The following DLGAP1 variants were observed in gnomAD, a reference collection of about 807,000 sequenced individuals.
The protein encoded by DLGAP1 is DLG associated protein 1.
Under a neutral mutation model 90.8 loss-of-function variants are expected in DLGAP1, and 11 were observed. That is an observed-to-expected ratio of 0.12 (90% CI 0.08 to 0.20). The LOEUF is 0.20. Ranked by LOEUF, DLGAP1 falls within the 10% of genes least tolerant of loss-of-function variation. DLGAP1 has a pLI of 1.00. For missense variants in DLGAP1, 1,050 were observed against 1,333.8 expected (o/e 0.79, Z 3.31); for synonymous variants, 558 against 540.7 (o/e 1.03, Z -0.44).
At chr18:3,500,995 A>G (rs563064393) in intron 12 of DLGAP1, among the ~76,000 whole-genome samples, 1 of 152,074 alleles carries the variant, frequency 6.6e-6, no homozygotes, top group East Asian at 1.9e-4. Flanking sequence ...CTCACTGCAG[A>G]CTCAAACTCT....
intron 5 of DLGAP1, among the ~76,000 whole-genome samples, chr18:3,756,690 T>C (rs2147865103): frequency 6.6e-6 from 1 of 151,790 alleles, no homozygotes; most frequent in Non-Finnish European, 1.5e-5. Context: ...GTAGGCTCTT[T>C]AAAAAAATCA....
At chr18:3,601,067 T>G (rs989330798) in intron 7 of DLGAP1, among the ~76,000 whole-genome samples, 2 of 148,186 alleles carry the variant, frequency 1.3e-5, no homozygotes, top group Admixed American at 6.8e-5. Context: ...TATAGATATA[T>G]AGATATATAG....
chr18:3,831,752 T>C (rs774694290), intron 4 of DLGAP1, among the ~76,000 whole-genome samples: 1 of 152,204 alleles, frequency 6.6e-6, no homozygotes, highest in Non-Finnish European at 1.5e-5. Context: ...ACACTGCAAC[T>C]ATTTATCTCA....
intron 9 of DLGAP1, among the ~76,000 whole-genome samples, chr18:3,558,991 C>T (rs578136637): frequency 1.2e-4 from 19 of 152,190 alleles, no homozygotes; most frequent in Non-Finnish European, 2.8e-4. Context: ...AGTATATTGA[C>T]TTTGGAAACA....
intron 2 of DLGAP1, among the ~76,000 whole-genome samples, chr18:4,081,311 G>A (rs1224485689): frequency 7.1e-5 from 10 of 140,496 alleles, no homozygotes; most frequent in Admixed American, 1.4e-4. Context: ...GTGAAACTCC[G>A]TCTCAGGAAA....
intron 1 of DLGAP1, among the ~76,000 whole-genome samples, chr18:4,169,078 G>A (rs2076981474): frequency 6.6e-6 from 1 of 152,126 alleles, no homozygotes; most frequent in African/African-American, 2.4e-5. Flanking sequence ...GAGTGCAATT[G>A]CTGGATCATG....
At chr18:4,367,850 GA>G (rs1230620585) in intron 1 of DLGAP1, among the ~76,000 whole-genome samples, 3 of 147,232 alleles carry the variant, frequency 2.0e-5, no homozygotes, top group Admixed American at 1.3e-4. Flanking sequence ...CTCCATCTCA[GA>G]AAAAAAAAAG....
chr18:4,246,287 A>T (rs2078651572), intron 1 of DLGAP1, among the ~76,000 whole-genome samples: 1 of 152,222 alleles, frequency 6.6e-6, no homozygotes, highest in African/African-American at 2.4e-5. Flanking sequence ...AAGGAAAAAA[A>T]ATAGCCATGG....
chr18:3,949,689 T>C lies in DLGAP1; in HGVS notation c.-73+55427A>G, dbSNP rs140396980. On this transcript the variant is annotated intron_variant, in intron 3 of 12. Transcript: ENST00000315677. Reference sequence around the variant, plus strand: ...GACTGGTTGTATATAGTTGACCCAATATAATGTGCAATTGTATTTAACATC... The same window carrying C: ...GACTGGTTGTATATAGTTGACCCAACATAATGTGCAATTGTATTTAACATC... Among the ~76,000 whole-genome samples the C allele has an allele frequency of 3.0e-4, 46 of 152,296 alleles. No individual in the cohort carries two copies. In the East Asian group the frequency reaches 8.5e-3, roughly 28 times the overall value.
chr18:3,758,920 G>C (rs1209554113), intron 5 of DLGAP1, among the ~76,000 whole-genome samples: 2 of 152,108 alleles, frequency 1.3e-5, no homozygotes, highest in Non-Finnish European at 2.9e-5. Flanking sequence ...TTTCTTAGGA[G>C]TGTGACTTCA....
intron 5 of DLGAP1, among the ~76,000 whole-genome samples, chr18:3,766,081 A>G (rs2064229722): frequency 6.6e-6 from 1 of 152,140 alleles, no homozygotes; most frequent in Non-Finnish European, 1.5e-5. Context: ...AAACACATCT[A>G]TAAGAACCTC....
intron 5 of DLGAP1, among the ~76,000 whole-genome samples, chr18:3,778,340 C>G (rs2065028051): frequency 6.6e-6 from 1 of 151,926 alleles, no homozygotes; most frequent in Admixed American, 6.6e-5. Flanking sequence ...ACTTGGGAGG[C>G]TGAGGCAGGA....
intron 1 of DLGAP1, among the ~76,000 whole-genome samples, chr18:4,398,337 T>TC (rs2082480563): frequency 6.6e-6 from 1 of 151,608 alleles, no homozygotes; most frequent in African/African-American, 2.4e-5. Flanking sequence ...AAAGCAATTT[T>TC]TTTCATTACT....
At chr18:3,503,594 G>A (rs1345051627) in intron 11 of DLGAP1, among the ~76,000 whole-genome samples, 1 of 152,178 alleles carries the variant, frequency 6.6e-6, no homozygotes, top group African/African-American at 2.4e-5. Flanking sequence ...CTGTTTTGGT[G>A]ACCTCTTGGT....
chr18:4,311,009 T>C (rs899623788), intron 1 of DLGAP1, among the ~76,000 whole-genome samples: 1 of 152,218 alleles, frequency 6.6e-6, no homozygotes, highest in African/African-American at 2.4e-5. Flanking sequence ...AATGCACTTT[T>C]ACTCTATGCT....
intron 2 of DLGAP1, among the ~76,000 whole-genome samples, chr18:4,086,702 T>G (rs1568387925): frequency 1.3e-5 from 2 of 152,106 alleles, no homozygotes; most frequent in South Asian, 2.1e-4. Context: ...GAAGTTTGTT[T>G]TATAGCCTAC....
At chr18:3,745,379 A>G (rs1488069929) in intron 5 of DLGAP1, among the ~76,000 whole-genome samples, 1 of 152,224 alleles carries the variant, frequency 6.6e-6, no homozygotes, top group Non-Finnish European at 1.5e-5. Flanking sequence ...CGTTGTAAAA[A>G]ATTACGTGAG....
chr18:4,100,246 AT>A (rs1317485202), intron 2 of DLGAP1, among the ~76,000 whole-genome samples: 1 of 152,238 alleles, frequency 6.6e-6, no homozygotes, highest in Non-Finnish European at 1.5e-5. Context: ...GGGCTACAGC[AT>A]GGATATTGTG....
intron 3 of DLGAP1, among the ~76,000 whole-genome samples, chr18:3,974,975 T>A (rs1217729233): frequency 6.6e-6 from 1 of 152,014 alleles, no homozygotes; most frequent in Non-Finnish European, 1.5e-5. Context: ...GTAACTAAAG[T>A]AGTCAAATTC....
Sources: allele counts gnomAD v4.1 joint callset (sites outside exome capture counted in the v4.1 genomes callset), GRCh38; gene constraint gnomAD v4.1.1; transcripts MANE v1.5; gene names NCBI Gene and HGNC (gene_info 2026-07-23, HGNC 2026-07-21).